The following MMAA variants were observed in gnomAD, a reference collection of about 807,000 sequenced individuals.
MMAA encodes methylmalonic aciduria type A protein, mitochondrial.
A neutral mutation model predicts 45.0 loss-of-function variants in MMAA; 41 were observed. The observed-to-expected ratio is 0.91, with a 90% CI of 0.71 to 1.18. MMAA has a LOEUF of 1.18. MMAA is among the 50% of genes most tolerant of loss of function. The pLI, the probability that MMAA is intolerant of heterozygous loss-of-function variation, is 0.00. For missense variants in MMAA, 460 were observed against 495.7 expected, an observed-to-expected ratio of 0.93 and a Z score of 0.68; for synonymous variants, 154 against 178.2, an observed-to-expected ratio of 0.86 and a Z score of 1.08.
chr4:145,650,897 T>G (rs538056724), intron 4 of MMAA, 165 bp from the exon 5 acceptor site: 8 of 689,128 alleles, frequency 1.2e-5, no homozygotes, highest in African/African-American at 3.5e-5. Flanking sequence ...GGGTAAGATA[T>G]GACATTTAAT....
chr4:145,639,773 G>T (rs1481680608), intron 2 of MMAA, 195 bp downstream of exon 2: 1 of 984,146 alleles, frequency 1.0e-6, no homozygotes, highest in Non-Finnish European at 1.2e-6. Flanking sequence ...TTGAACCAAG[G>T]CTATGTATTT....
At chr4:145,643,582 C>G (rs1578880426) in intron 3 of MMAA, among the ~76,000 whole-genome samples, 1 of 152,094 alleles carries the variant, frequency 6.6e-6, no homozygotes, top group Non-Finnish European at 1.5e-5. Flanking sequence ...ATTGAGAAAT[C>G]TAGCTCAGAA....
intron 1 of MMAA, among the ~76,000 whole-genome samples, chr4:145,631,899 CAAAT>C (rs1313828154): frequency 1.3e-5 from 2 of 152,156 alleles, no homozygotes; most frequent in African/African-American, 2.4e-5. Flanking sequence ...TTTATATAAA[CAAAT>C]GAATAGAAAA....
At chr4:145,634,381 G>A (rs918245346) in intron 1 of MMAA, among the ~76,000 whole-genome samples, 2 of 152,112 alleles carry the variant, frequency 1.3e-5, no homozygotes, top group Non-Finnish European at 2.9e-5. Context: ...GACTACTGCT[G>A]ATGCTCCCTT....
At chr4:145,645,337 A>G (rs1375646711) in intron 3 of MMAA, among the ~76,000 whole-genome samples, 1 of 152,210 alleles carries the variant, frequency 6.6e-6, no homozygotes, top group Admixed American at 6.5e-5. Context: ...CAGGCAGACT[A>G]TATGAAGGAG....
intron 1 of MMAA, chr4:145,624,242 G>A (rs1734149809): frequency 1.2e-6 from 1 of 806,448 alleles, no homozygotes; most frequent in African/African-American, 1.7e-5. Flanking sequence ...CAAACTGCAG[G>A]GAGGCCATAA....
rs145516500 is a variant in MMAA, at chr4:145,644,121, C to A, written c.562+1636C>A. ...CTTTTTTGTGCTTTAAATTCACAGACCCCCTGTGATAGCTTTGAGACCTTC... is the reference window on the plus strand; with the variant it reads ...CTTTTTTGTGCTTTAAATTCACAGAACCCCTGTGATAGCTTTGAGACCTTC... On this transcript the variant is annotated intron_variant, in intron 3 of 6. Coordinates refer to ENST00000649156, the MANE Select transcript of MMAA (RefSeq NM_172250.3). Among the ~76,000 whole-genome samples the A allele has an allele frequency of 7.3e-3, 1,108 of 152,240 alleles. 7 individuals carry two copies. The highest frequency in any genetic ancestry group is 0.012 in the Non-Finnish European group (822 of 67,996).
chr4:145,638,923 T>C (rs1727697333), intron 1 of MMAA, among the ~76,000 whole-genome samples, 152 bp from the exon 2 acceptor site: 1 of 152,220 alleles, frequency 6.6e-6, no homozygotes, highest in South Asian at 2.1e-4. Flanking sequence ...CTTTTAAGTT[T>C]ATTTAGTAAG....
At position 145,643,664 on chromosome 4, in the gene MMAA, A is replaced by C. The variant is rs141031411; in HGVS notation, c.562+1179A>C. ...ATAAAATTTTTGCTCACAAGGTTCA[A>C]AATTAAATCCATGTCAATATGTTGT... On this transcript the variant is annotated intron_variant, in intron 3 of 6. Transcript: ENST00000649156. Among the ~76,000 whole-genome samples, 142 of 152,310 alleles carry C rather than the reference A, an allele frequency of 9.3e-4. 1 individual carries two copies. Among genetic ancestry groups the C allele is most frequent in the African/African-American group, 3.4e-3 (141 of 41,574 alleles).
intron 4 of MMAA, among the ~76,000 whole-genome samples, chr4:145,648,783 C>T (rs1035496474): frequency 3.3e-5 from 5 of 151,998 alleles, no homozygotes; most frequent in Non-Finnish European, 5.9e-5. Context: ...CCAGGAGTTC[C>T]AAACCTCCCT....
intron 5 of MMAA, among the ~76,000 whole-genome samples, chr4:145,651,648 C>T (rs1417657011): frequency 6.6e-6 from 1 of 152,208 alleles, no homozygotes; most frequent in Admixed American, 6.5e-5. Context: ...CCAGGGTTCC[C>T]AGGCCACCCA....
At chr4:145,634,439 G>A (rs1226479551) in intron 1 of MMAA, among the ~76,000 whole-genome samples, 1 of 151,978 alleles carries the variant, frequency 6.6e-6, no homozygotes, top group African/African-American at 2.4e-5. Flanking sequence ...TGGCTGATCA[G>A]GGACTTACCC....
intron 1 of MMAA, among the ~76,000 whole-genome samples, chr4:145,620,610 G>A (rs527669402): frequency 1.3e-5 from 2 of 152,262 alleles, no homozygotes; most frequent in African/African-American, 4.8e-5. Context: ...TTTCACCTTA[G>A]TACAGTCCTA....
Position 145,655,461 on chromosome 4 carries a change from ACATAT to A in MMAA, c.*31_*35del. ...AAAATTCATCCTGTATAATAATTTT[ACATAT>A]CATTTCATAAAGTATTTTAATAGAA... On this transcript the variant is annotated 3_prime_UTR_variant, in exon 7 of 7. Transcript: ENST00000649156. 1 of 1,568,952 alleles carries A rather than the reference ACATAT, an allele frequency of 6.4e-7. No homozygotes were observed. Among genetic ancestry groups the A allele is most frequent in the East Asian group, 2.2e-5 (1 of 44,492 alleles).
In MMAA at chr4:145,642,427, T is replaced by G; in HGVS notation, c.504T>G (p.Thr168=). Residue 168 remains threonine (T), a synonymous_variant, in exon 3 of 7, where the codon ACT becomes ACG. Transcript: ENST00000649156. ...TAGAATATTTTGGAAAAATGCTTACTGAGAGAGGGCACAAATTATCTGTGC... is the reference window on the plus strand; with the variant it reads ...TAGAATATTTTGGAAAAATGCTTACGGAGAGAGGGCACAAATTATCTGTGC... ...TFIEYFGKML[T]ERGHKLSVLA... is the part of the protein sequence containing the mutation. The G allele has an allele frequency of 6.2e-7, 1 of 1,614,222 alleles. No homozygotes were observed. The highest frequency in any genetic ancestry group is 8.5e-7 in the Non-Finnish European group (1 of 1,180,022).
At chr4:145,625,538 C>T in intron 1 of MMAA, 1 of 749,874 alleles carries the variant, frequency 1.3e-6, no homozygotes, top group Non-Finnish European at 2.5e-6. Flanking sequence ...CATAAGCCAT[C>T]AAGTGCTCAG....
chr4:145,627,832 AT>A (rs1734236109), intron 1 of MMAA, among the ~76,000 whole-genome samples: 1 of 152,164 alleles, frequency 6.6e-6, no homozygotes, highest in South Asian at 2.1e-4. Flanking sequence ...AATGGTTACT[AT>A]CTCATATATA....
At chr4:145,627,652 T>C (rs1299772693) in intron 1 of MMAA, among the ~76,000 whole-genome samples, 1 of 152,120 alleles carries the variant, frequency 6.6e-6, no homozygotes, top group Non-Finnish European at 1.5e-5. Context: ...CTGTGGAGCA[T>C]TGAATAGAAC....
chr4:145,651,417 G>A (rs1180738496), intron 5 of MMAA, among the ~76,000 whole-genome samples: 1 of 152,212 alleles, frequency 6.6e-6, no homozygotes, highest in African/African-American at 2.4e-5. Flanking sequence ...GCTCCAGCCA[G>A]TAGAGACCAT....
Sources: allele counts gnomAD v4.1 joint callset (sites outside exome capture counted in the v4.1 genomes callset), GRCh38; gene constraint gnomAD v4.1.1; transcripts MANE v1.5; gene names NCBI Gene and HGNC (gene_info 2026-07-23, HGNC 2026-07-21).